The following CDH4 variants were observed in gnomAD, a reference collection of about 807,000 sequenced individuals.
CDH4 encodes cadherin 4.
A neutral mutation model predicts 86.0 loss-of-function variants in CDH4; 33 were observed. That is an observed-to-expected ratio of 0.38 (90% CI 0.29 to 0.51). The LOEUF is 0.51. CDH4 is among the 20% of genes least tolerant of loss of function. The pLI is 0.86. For synonymous variants in CDH4, 555 were observed against 549.4 expected, an observed-to-expected ratio of 1.01 and a Z score of -0.14; for missense variants, 1,114 against 1,307.4, an observed-to-expected ratio of 0.85 and a Z score of 2.28.
intron 9 of CDH4, among the ~76,000 whole-genome samples, chr20:61,916,572 C>T (rs1390595401): frequency 6.6e-6 from 1 of 152,166 alleles, no homozygotes; most frequent in African/African-American, 2.4e-5. Context: ...CACTGCTGTC[C>T]CGAGCTGGGG....
intron 2 of CDH4, among the ~76,000 whole-genome samples, chr20:61,258,221 G>T (rs925250847): frequency 6.6e-6 from 1 of 151,002 alleles, no homozygotes; most frequent in African/African-American, 2.4e-5. Context: ...TCCCAGCTAC[G>T]TGAGAGGCTG....
intron 2 of CDH4, among the ~76,000 whole-genome samples, chr20:61,340,682 T>G (rs2084645201): frequency 6.6e-6 from 1 of 151,866 alleles, no homozygotes; most frequent in South Asian, 2.1e-4. Flanking sequence ...TCTTCTGGGC[T>G]CAAGCAATCC....
chr20:61,934,717 G>GCCCCCCCCCCCCC (rs200122965), intron 15 of CDH4, among the ~76,000 whole-genome samples: 13 of 148,676 alleles, frequency 8.7e-5, no homozygotes, highest in African/African-American at 2.8e-4. Flanking sequence ...AGGCCAACTT[G>GCCCCCCCCCCCCC]CCCCCCCTCC....
chr20:61,522,220 C>G (rs907499240), intron 2 of CDH4, among the ~76,000 whole-genome samples: 2 of 152,146 alleles, frequency 1.3e-5, no homozygotes, highest in African/African-American at 4.8e-5. Context: ...GCTGTGATAC[C>G]CCCTCACCCC....
intron 2 of CDH4, among the ~76,000 whole-genome samples, chr20:61,323,297 G>A (rs886226488): frequency 5.9e-5 from 9 of 152,222 alleles, no homozygotes; most frequent in South Asian, 2.1e-4. Context: ...CTGTCCCCTC[G>A]TCTTGGCCTC....
chr20:61,618,614 C>A (rs1301973232), intron 2 of CDH4, among the ~76,000 whole-genome samples: 1 of 152,090 alleles, frequency 6.6e-6, no homozygotes. Flanking sequence ...CATCCAGCAC[C>A]CGGCATGGTC....
chr20:61,506,461 C>T (rs750293661), intron 2 of CDH4, among the ~76,000 whole-genome samples: 99 of 152,292 alleles, frequency 6.5e-4, no homozygotes, highest in Non-Finnish European at 1.0e-3. Flanking sequence ...TTGAAGAATA[C>T]GCTACTGAAT....
chr20:61,335,727 C>G (rs1045863793), intron 2 of CDH4, among the ~76,000 whole-genome samples: 3 of 152,172 alleles, frequency 2.0e-5, no homozygotes, highest in African/African-American at 7.2e-5. Context: ...TGAACACTTC[C>G]CTGGCTCGGG....
intron 2 of CDH4, among the ~76,000 whole-genome samples, chr20:61,624,276 A>G (rs2086807840): frequency 6.6e-6 from 1 of 152,258 alleles, no homozygotes; most frequent in Non-Finnish European, 1.5e-5. Context: ...AGAGGTCTAA[A>G]TAAGTCCCAC....
chr20:61,492,448 A>G (rs998912277), intron 2 of CDH4, among the ~76,000 whole-genome samples: 3 of 151,432 alleles, frequency 2.0e-5, no homozygotes, highest in Non-Finnish European at 4.4e-5. Flanking sequence ...GGTGGTGTCA[A>G]TATTGTTGAT....
chr20:61,303,765 G>A lies in CDH4; in HGVS notation c.169+48828G>A, dbSNP rs184018289. 2.3e-3 allele frequency among the ~76,000 whole-genome samples: 346 copies of A among 152,320 alleles called. 1 individual carries two copies. The highest frequency in any genetic ancestry group is 8.0e-3 in the African/African-American group (333 of 41,578). ...ATGTGGAGCATCACTGTGCATCTGT[G>A]CCCACCCCCAGGCCCGGGACACGGA... On this transcript the variant is annotated intron_variant, in intron 2 of 15. Transcript: ENST00000614565.
chr20:61,698,024 C>G (rs1300747990), intron 2 of CDH4, among the ~76,000 whole-genome samples: 3 of 152,260 alleles, frequency 2.0e-5, no homozygotes, highest in Non-Finnish European at 2.9e-5. Flanking sequence ...CTGTTTTGCT[C>G]AGGCTCATCA....
intron 4 of CDH4, among the ~76,000 whole-genome samples, chr20:61,808,432 G>A (rs905191636): frequency 2.0e-5 from 3 of 152,148 alleles, no homozygotes; most frequent in East Asian, 1.9e-4. Flanking sequence ...CCCTGCAGTC[G>A]GTGGGGAAAG....
chr20:61,444,859 ATATG>A (rs1387244281), intron 2 of CDH4, among the ~76,000 whole-genome samples: 2 of 132,410 alleles, frequency 1.5e-5, no homozygotes, highest in African/African-American at 2.9e-5. Context: ...ATTTGTGTGT[ATATG>A]TATGTGTGTT....
intron 2 of CDH4, among the ~76,000 whole-genome samples, chr20:61,670,219 C>T (rs780087121): frequency 5.9e-5 from 9 of 152,228 alleles, no homozygotes; most frequent in Non-Finnish European, 1.0e-4. Context: ...AACAAGCTCT[C>T]GCTGCTTCCC....
At chr20:61,934,002 G>A in intron 14 of CDH4, 54 bp from the exon 15 acceptor site, 1 of 1,593,706 alleles carries the variant, frequency 6.3e-7, no homozygotes, top group Non-Finnish European at 8.6e-7. Flanking sequence ...AGGGTGGAAG[G>A]GGGGCTGGCG....
intron 2 of CDH4, among the ~76,000 whole-genome samples, chr20:61,386,932 G>A (rs910343044): frequency 5.3e-5 from 8 of 152,212 alleles, no homozygotes; most frequent in Middle Eastern, 3.2e-3. Flanking sequence ...ACCACACTCC[G>A]GGTCAATACA....
chr20:61,315,241 C>A (rs2427071), intron 2 of CDH4, among the ~76,000 whole-genome samples: 1 of 151,994 alleles, frequency 6.6e-6, no homozygotes, highest in Non-Finnish European at 1.5e-5. Flanking sequence ...CAGTGAGATG[C>A]TCATGGCTTT....
chr20:61,314,508 C>T (rs1480239506), intron 2 of CDH4, among the ~76,000 whole-genome samples: 1 of 152,156 alleles, frequency 6.6e-6, no homozygotes, highest in Non-Finnish European at 1.5e-5. Context: ...ATTCATTTGT[C>T]TGTTCGCCCA....
Sources: allele counts gnomAD v4.1 joint callset (sites outside exome capture counted in the v4.1 genomes callset), GRCh38; gene constraint gnomAD v4.1.1; transcripts MANE v1.5; gene names NCBI Gene and HGNC (gene_info 2026-07-23, HGNC 2026-07-21).